The following POLN variants were observed in gnomAD, a reference collection of about 807,000 sequenced individuals.
POLN encodes the protein DNA polymerase N.
In POLN, 108 loss-of-function variants were observed where a neutral mutation model predicts 113.5. The ratio of observed to expected loss-of-function variants is 0.95; its 90% CI spans 0.81 to 1.12. The LOEUF (loss-of-function observed/expected upper bound fraction) is 1.12, where lower values mean the gene tolerates loss of function less well. Among genes scored for constraint, POLN ranks in the 50% most tolerant of loss-of-function variants. POLN has a pLI of 0.00. For synonymous variants in POLN, 386 were observed against 391.5 expected, an observed-to-expected ratio of 0.99 and a Z score of 0.17; for missense variants, 1,097 against 1,077.1, an observed-to-expected ratio of 1.02 and a Z score of -0.26.
At chr4:2,212,947 G>A (rs551449233) in intron 4 of POLN, 100 bp downstream of exon 4, 51 of 587,512 alleles carry the variant, frequency 8.7e-5, no homozygotes, top group Middle Eastern at 1.0e-3. Flanking sequence ...TTTTTAAGGT[G>A]TGGTATCTAC....
chr4:2,170,667 C>T lies in POLN; in HGVS notation c.1554+12G>A. 6.2e-7 allele frequency: 1 copy of T among 1,607,268 alleles called. No individual in the cohort carries two copies. Among genetic ancestry groups the T allele is most frequent in the Non-Finnish European group, 8.5e-7 (1 of 1,174,072 alleles). The stretch of plus-strand genomic sequence containing the variant: ...CATTCTAAAAAGAAAAAGGATAACT[C>T]TGAAACCTTACCACTGCTTCTGATG... On this transcript the variant is annotated intron_variant, in intron 13 of 25. Transcript: ENST00000511885.
chr4:2,157,874 A>G lies in POLN; in HGVS notation c.1649T>C (p.Leu550Pro). The change falls in exon 15 of 26, where the codon CTA becomes CCA. Residue 550 changes from leucine (L) to proline (P), a missense_variant. Coordinates refer to ENST00000511885, the MANE Select transcript of POLN (RefSeq NM_181808.4). The part of the protein sequence containing the change: ...KIKSTFVDGL[L>P]ACMKKGSISS... ...GCTTGTTACCTTTTTCATGCAAGCT[A>G]GTAATCCATCTACAAAGGTTGACTT... The G allele has an allele frequency of 6.2e-7, 1 of 1,608,474 alleles. No individual in the cohort carries two copies. Among genetic ancestry groups the G allele is most frequent in the Non-Finnish European group, 8.5e-7 (1 of 1,175,562 alleles).
At chr4:2,190,450 G>C (rs1290238854) in intron 7 of POLN, among the ~76,000 whole-genome samples, 1 of 150,676 alleles carries the variant, frequency 6.6e-6, no homozygotes, top group African/African-American at 2.5e-5. Flanking sequence ...TTGGGAAAAT[G>C]CTCCAGTGCA....
At chr4:2,219,458 C>T (rs1049383536) in intron 3 of POLN, among the ~76,000 whole-genome samples, 2 of 152,172 alleles carry the variant, frequency 1.3e-5, no homozygotes, top group South Asian at 4.1e-4. Context: ...TCTGAAGTCA[C>T]TTTACGAGAA....
At chr4:2,222,593 G>C (rs1384517144) in intron 3 of POLN, among the ~76,000 whole-genome samples, 1 of 152,086 alleles carries the variant, frequency 6.6e-6, no homozygotes, top group African/African-American at 2.4e-5. Flanking sequence ...GGAGCAATCA[G>C]GACTAAGTCT....
At chr4:2,224,165 G>A (rs953388504) in intron 3 of POLN, among the ~76,000 whole-genome samples, 1 of 151,982 alleles carries the variant, frequency 6.6e-6, no homozygotes, top group Non-Finnish European at 1.5e-5. Flanking sequence ...TTTAAAAAAT[G>A]TTCTTAACTT....
At chr4:2,141,850 C>A (rs1026455027) in intron 16 of POLN, among the ~76,000 whole-genome samples, 1 of 152,220 alleles carries the variant, frequency 6.6e-6, no homozygotes, top group Non-Finnish European at 1.5e-5. Context: ...CTGGAGACTG[C>A]GACCCAGCCT....
chr4:2,201,667 G>A (rs1005179306), intron 5 of POLN, among the ~76,000 whole-genome samples: 1 of 152,134 alleles, frequency 6.6e-6, no homozygotes, highest in Non-Finnish European at 1.5e-5. Context: ...CCTTGCTAGA[G>A]ACCTAGACAT....
At chr4:2,205,730 G>A (rs956497501) in intron 5 of POLN, among the ~76,000 whole-genome samples, 9 of 151,836 alleles carry the variant, frequency 5.9e-5, no homozygotes, top group South Asian at 2.1e-4. Flanking sequence ...AAAATTAGCC[G>A]GGCGTGGTGG....
At chr4:2,213,871 C>T (rs924513897) in intron 3 of POLN, among the ~76,000 whole-genome samples, 1 of 152,096 alleles carries the variant, frequency 6.6e-6, no homozygotes, top group African/African-American at 2.4e-5. Flanking sequence ...AAATTTAAGG[C>T]AATTCCAATT....
At chr4:2,090,218 C>T in intron 20 of POLN, 1 of 816,356 alleles carries the variant, frequency 1.2e-6, no homozygotes, top group Non-Finnish European at 2.0e-6. Context: ...ATACTCTTCC[C>T]TCATTCTTGT....
Position 2,240,438 on chromosome 4 carries a change from G to C in POLN, c.-13+1082C>G. On this transcript the variant is annotated intron_variant, in intron 2 of 25. Coordinates refer to ENST00000511885, the MANE Select transcript of POLN (RefSeq NM_181808.4). ...CATCATCAATTGTGTAACTTCATCA[G>C]TAAGAGCCTGAAGTTCATTACTGAT... The C allele has an allele frequency of 6.2e-7, 1 of 1,613,894 alleles. No homozygotes were observed.
intron 1 of POLN, 109 bp downstream of exon 1, chr4:2,241,942 G>GCC: frequency 1.0e-6 from 1 of 985,524 alleles, no homozygotes; most frequent in Non-Finnish European, 1.2e-6. Context: ...CCTGGAAGGA[G>GCC]CCCCCAGGAG....
chr4:2,168,839 A>G (rs1732792091), intron 13 of POLN, among the ~76,000 whole-genome samples: 1 of 152,358 alleles, frequency 6.6e-6, no homozygotes, highest in East Asian at 1.9e-4. Flanking sequence ...TGCTGAGTTC[A>G]GCACCAGGAG....
At chr4:2,140,511 C>A (rs1339340599) in intron 16 of POLN, among the ~76,000 whole-genome samples, 3 of 152,154 alleles carry the variant, frequency 2.0e-5, no homozygotes, top group Non-Finnish European at 4.4e-5. Context: ...CTTTGGGAGA[C>A]CAAGGTGAAT....
At chr4:2,088,842 T>C in intron 20 of POLN, 2 of 1,468,740 alleles carry the variant, frequency 1.4e-6, no homozygotes, top group South Asian at 1.3e-5. Flanking sequence ...ACTTGTCTAC[T>C]ATAAAGAAAA....
At position 2,196,445 on chromosome 4, in the gene POLN, G is replaced by A. The variant is rs761624726; in HGVS notation, c.908+2079C>T. 9.2e-5 allele frequency among the ~76,000 whole-genome samples: 14 copies of A among 152,186 alleles called. 1 individual carries two copies. In the South Asian group the frequency reaches 1.5e-3, roughly 16 times the overall value. On this transcript the variant is annotated intron_variant, in intron 6 of 25. Coordinates refer to ENST00000511885, the MANE Select transcript of POLN (RefSeq NM_181808.4). ...AGGCAAACAAATGAATCCAGGACACGGGACCTCCTCCAAGATAGGGAGAGG... is the reference window on the plus strand; with the variant it reads ...AGGCAAACAAATGAATCCAGGACACAGGACCTCCTCCAAGATAGGGAGAGG...
At chr4:2,086,630 T>C (rs1227425595) in intron 20 of POLN, among the ~76,000 whole-genome samples, 1 of 152,072 alleles carries the variant, frequency 6.6e-6, no homozygotes, top group African/African-American at 2.4e-5. Context: ...ATAATGTAAA[T>C]AGAGAATGAG....
At chr4:2,238,670 T>C in intron 2 of POLN, 2 of 1,613,224 alleles carry the variant, frequency 1.2e-6, no homozygotes, top group Non-Finnish European at 1.7e-6. Flanking sequence ...AACTGATGGA[T>C]CTGTTAACAT....
Sources: allele counts gnomAD v4.1 joint callset (sites outside exome capture counted in the v4.1 genomes callset), GRCh38; gene constraint gnomAD v4.1.1; transcripts MANE v1.5; gene names NCBI Gene and HGNC (gene_info 2026-07-23, HGNC 2026-07-21).